The following FAM204A variants were observed in gnomAD, a reference collection of about 807,000 sequenced individuals.
FAM204A encodes the protein family with sequence similarity 204 member A, also known as protein FAM204A.
In FAM204A, 16 loss-of-function variants were observed where a neutral mutation model predicts 35.4. That is an observed-to-expected ratio of 0.45 (90% confidence interval 0.31 to 0.69). The LOEUF (loss-of-function observed/expected upper bound fraction) is 0.69, where lower values mean the gene tolerates loss of function less well. Ranked by LOEUF, FAM204A falls within the 30% of genes least tolerant of loss-of-function variation. The probability of loss-of-function intolerance (pLI) is 0.07; values close to 1 mark genes in which losing one functional copy is unlikely to be tolerated. For synonymous variants in FAM204A, 76 were observed against 86.9 expected, an observed-to-expected ratio of 0.88 and a Z score of 0.70; for missense variants, 240 against 265.7, an observed-to-expected ratio of 0.90 and a Z score of 0.67.
At position 118,301,158 on chromosome 10, in the gene FAM204A, T is replaced by C. The variant is rs1394949642; in HGVS notation, c.*9699A>G. 1 of 152,234 alleles carries C rather than the reference T, an allele frequency of 6.6e-6. No individual in the cohort carries two copies. Among genetic ancestry groups the C allele is most frequent in the East Asian group, 1.9e-4 (1 of 5,194 alleles). 9.4% of individuals were successfully genotyped at this position (152,234 alleles called of 1,614,324 possible). Reference sequence around the variant, plus strand: ...GGGAACTCTTTGAAGGCTAGGGCCATCAATTACATTTTTGTTTCTTCCAGA... The same window carrying C: ...GGGAACTCTTTGAAGGCTAGGGCCACCAATTACATTTTTGTTTCTTCCAGA... On this transcript the variant is annotated 3_prime_UTR_variant, in exon 9 of 9. Coordinates refer to ENST00000369183, the MANE Select transcript of FAM204A (RefSeq NM_022063.3).
At chr10:118,317,504 G>A (rs1040894999) in intron 7 of FAM204A, among the ~76,000 whole-genome samples, 4 of 151,744 alleles carry the variant, frequency 2.6e-5, no homozygotes, top group African/African-American at 9.7e-5. Flanking sequence ...ATACCCCAAA[G>A]GTTAAAAGAA....
intron 2 of FAM204A, among the ~76,000 whole-genome samples, chr10:118,339,501 C>T (rs1361904552): frequency 1.3e-5 from 2 of 152,084 alleles, no homozygotes; most frequent in Non-Finnish European, 2.9e-5. Context: ...CCCAAGTTAC[C>T]CTTTAACTGT....
rs1845796328 is a variant in FAM204A at position 118,300,426 on chromosome 10, T to C, written c.*10431A>G. The C allele has an allele frequency of 6.6e-6, 1 of 152,242 alleles. No homozygotes were observed. Among genetic ancestry groups the C allele is most frequent in the South Asian group, 2.1e-4 (1 of 4,834 alleles). 9.4% of individuals were successfully genotyped at this position (152,242 alleles called of 1,614,324 possible). ...ACAAATATTTACTGAACACCTACCA[T>C]GTATGAGTCATTGAGAAATATCCTA... On this transcript the variant is annotated 3_prime_UTR_variant, in exon 9 of 9. Transcript: ENST00000369183.
rs1845770521 is a variant in FAM204A, at chr10:118,298,204, T to C, written c.*12653A>G. On this transcript the variant is annotated 3_prime_UTR_variant, in exon 9 of 9. Transcript: ENST00000369183. ...AGTCCCTGGAACTAACCCATCTACT[T>C]TCCTTGAATCTCTTCCTAGACAGGC... 6.6e-6 allele frequency: 1 copy of C among 152,214 alleles called. No homozygotes were observed. The highest frequency in any genetic ancestry group is 6.5e-5 in the Admixed American group (1 of 15,274). The allele number at this position is 152,214 out of a possible 1,614,324, so 9.4% of individuals were successfully genotyped here. A position where few individuals can be genotyped will look rare whatever the true frequency, so the allele number is the denominator to read the frequency against.
intron 7 of FAM204A, chr10:118,311,566 G>A (rs118160970): frequency 0.031 from 10,955 of 358,460 alleles, 218 homozygotes; most frequent in Middle Eastern, 0.058. Flanking sequence ...GAGGCCCCTC[G>A]AGGGTCCACA....
At chr10:118,320,740 T>C (rs1167096453) in intron 7 of FAM204A, among the ~76,000 whole-genome samples, 2 of 151,930 alleles carry the variant, frequency 1.3e-5, no homozygotes, top group Non-Finnish European at 2.9e-5. Flanking sequence ...GCTTCAAACA[T>C]GTGAAGTGAC....
At chr10:118,333,045 T>C (rs933452939) in intron 6 of FAM204A, among the ~76,000 whole-genome samples, 1 of 152,106 alleles carries the variant, frequency 6.6e-6, no homozygotes, top group African/African-American at 2.4e-5. Flanking sequence ...TAAAACAGCT[T>C]TGGATATTAG....
intron 2 of FAM204A, among the ~76,000 whole-genome samples, chr10:118,338,626 G>A (rs568559423): frequency 2.6e-5 from 4 of 152,304 alleles, no homozygotes; most frequent in African/African-American, 9.6e-5. Context: ...CTAGCCTCAC[G>A]AAATGACAGC....
At chr10:118,316,148 A>G (rs1431702642) in intron 7 of FAM204A, among the ~76,000 whole-genome samples, 1 of 152,210 alleles carries the variant, frequency 6.6e-6, no homozygotes, top group Non-Finnish European at 1.5e-5. Flanking sequence ...CAAGAAGCAA[A>G]TAAGAAAAAG....
chr10:118,320,341 T>C (rs1238235164), intron 7 of FAM204A, among the ~76,000 whole-genome samples: 1 of 151,678 alleles, frequency 6.6e-6, no homozygotes, highest in Non-Finnish European at 1.5e-5. Flanking sequence ...GCTTCCTTTG[T>C]TAAATCTAGA....
chr10:118,330,654 T>A (rs747414011), intron 6 of FAM204A, among the ~76,000 whole-genome samples: 1 of 152,244 alleles, frequency 6.6e-6, no homozygotes, highest in Non-Finnish European at 1.5e-5. Flanking sequence ...ATGTACTACC[T>A]TCTTTTAGCT....
In FAM204A at chr10:118,299,291, A is replaced by C. The variant is rs1032410575; in HGVS notation, c.*11566T>G. On this transcript the variant is annotated 3_prime_UTR_variant, in exon 9 of 9. Transcript: ENST00000369183. ...CCTGCTTTGAGCTGCCCTTCCTGTC[A>C]ATCAATTACCAACCCTGCTTCTGTA... The C allele has an allele frequency of 6.7e-6, 1 of 149,892 alleles. No homozygotes were observed. Among genetic ancestry groups the C allele is most frequent in the Non-Finnish European group, 1.5e-5 (1 of 67,970 alleles). The allele number at this position is 149,892 out of a possible 1,614,324, so 9.3% of individuals were successfully genotyped here.
chr10:118,316,994 T>C (rs1846042233), intron 7 of FAM204A, among the ~76,000 whole-genome samples: 1 of 152,106 alleles, frequency 6.6e-6, no homozygotes, highest in South Asian at 2.1e-4. Flanking sequence ...TTAGATGCTT[T>C]ACACAGCCCC....
At chr10:118,315,463 A>G (rs1391207289) in intron 7 of FAM204A, among the ~76,000 whole-genome samples, 1 of 152,166 alleles carries the variant, frequency 6.6e-6, no homozygotes, top group East Asian at 1.9e-4. Context: ...CTTTCAAGGC[A>G]CTTATTTAAA....
In FAM204A at chr10:118,336,578, A is replaced by T. The variant is rs373280069; in HGVS notation, c.-8-155T>A. On this transcript the variant is annotated intron_variant, in intron 2 of 8. Transcript: ENST00000369183. ...TTTAATCTAAAATGGCATAGAATGA[A>T]CCTGTTATAAAATAATTAAAATCTT... Among the ~76,000 whole-genome samples the T allele has an allele frequency of 2.0e-5, 3 of 152,126 alleles. No homozygotes were observed. In the East Asian group the frequency reaches 5.8e-4, roughly 29 times the overall value.
At chr10:118,338,204 T>A (rs1386342634) in intron 2 of FAM204A, among the ~76,000 whole-genome samples, 2 of 152,160 alleles carry the variant, frequency 1.3e-5, no homozygotes, top group Admixed American at 1.3e-4. Flanking sequence ...CCAGGCCCCA[T>A]AAAACCCAGA....
intron 7 of FAM204A, among the ~76,000 whole-genome samples, chr10:118,313,420 G>A (rs1845983476): frequency 6.6e-6 from 1 of 152,120 alleles, no homozygotes; most frequent in African/African-American, 2.4e-5. Context: ...TTTCTGCTCA[G>A]AGCCCACTGG....
At chr10:118,330,646 G>A (rs1357806085) in intron 6 of FAM204A, among the ~76,000 whole-genome samples, 1 of 152,122 alleles carries the variant, frequency 6.6e-6, no homozygotes, top group Admixed American at 6.5e-5. Context: ...TAAATAAAAT[G>A]TACTACCTTC....
intron 2 of FAM204A, among the ~76,000 whole-genome samples, chr10:118,338,068 G>A (rs1267836708): frequency 6.6e-6 from 1 of 152,192 alleles, no homozygotes; most frequent in East Asian, 1.9e-4. Context: ...TTACTAGGAA[G>A]ATAATGGTAA....
Sources: gnomAD v4.1 joint callset for allele counts (sites outside exome capture counted in the v4.1 genomes callset) on GRCh38, gnomAD v4.1.1 for gene constraint, MANE v1.5 for transcripts, NCBI Gene and HGNC (gene_info 2026-07-23, HGNC 2026-07-21) for gene names.